NRDE2: variants seen among roughly 807,000 people sequenced by gnomAD.
NRDE2 encodes NRDE-2, necessary for RNA interference, domain containing.
A neutral mutation model predicts 124.2 loss-of-function variants in NRDE2; 76 were observed. The observed-to-expected ratio is 0.61, with a 90% CI of 0.51 to 0.74. The LOEUF is 0.74. Ranked by LOEUF, NRDE2 falls within the 30% of genes least tolerant of loss-of-function variation. NRDE2 has a pLI of 0.00. For synonymous variants in NRDE2, 489 were observed against 528.1 expected (o/e 0.93, Z 1.01); for missense variants, 1,314 against 1,417.3 (o/e 0.93, Z 1.17).
chr14:90,327,608 T>C (rs1885491027), intron 1 of NRDE2, among the ~76,000 whole-genome samples: 1 of 149,730 alleles, frequency 6.7e-6, no homozygotes, highest in Non-Finnish European at 1.5e-5. Context: ...ACATTAAAAA[T>C]TCATGACTTC....
At chr14:90,302,663 T>C (rs534160762) in intron 6 of NRDE2, 57 bp downstream of exon 6, 215 of 1,458,014 alleles carry the variant, frequency 1.5e-4, no homozygotes, top group Non-Finnish European at 1.6e-4. Context: ...CATTTTCAAG[T>C]AAAGCCAAAA....
intron 13 of NRDE2, 179 bp from the exon 14 acceptor site, chr14:90,278,640 C>T: frequency 1.5e-6 from 1 of 687,280 alleles, no homozygotes; most frequent in Non-Finnish European, 2.4e-6. Flanking sequence ...TCAGGAAGGA[C>T]ACTGAACTCG....
At position 90,292,681 on chromosome 14, in the gene NRDE2, G is replaced by A; in HGVS notation, c.1842+16C>T. 2 of 1,606,166 alleles carry A rather than the reference G, an allele frequency of 1.2e-6. No individual in the cohort carries two copies. The highest frequency in any genetic ancestry group is 2.7e-5 in the African/African-American group (2 of 74,922). On this transcript the variant is annotated intron_variant, in intron 9 of 13. Transcript: ENST00000354366. ...ACCCCCTGGACAGCTTCCTGCCTGG[G>A]GCGGAGGATACATGCCTGTCTCTCG...
rs1349824005 is a variant in NRDE2, at chr14:90,302,946, C to T, written c.1185G>A (p.Trp395Ter). Residue 395 changes from tryptophan to a stop codon, truncating the protein, a stop_gained, in exon 6 of 14, where the codon TGG (tryptophan) becomes TGA (stop). Transcript: ENST00000354366. LOFTEE classifies it high-confidence loss of function. ...LAKLKLCTEF[W>*]EPSTLVKEWQ... ...ACTCTTTGACCAGAGTGGAGGGCTC[C>T]CAGAACTCTGTGCAGAGCTTCAGCT... 6.2e-7 allele frequency: 1 copy of T among 1,614,050 alleles called. No individual in the cohort carries two copies. Among genetic ancestry groups the T allele is most frequent in the Admixed American group, 1.7e-5 (1 of 60,022 alleles).
At position 90,292,759 on chromosome 14, in the gene NRDE2, G is replaced by A. The variant is rs756328028; in HGVS notation, c.1780C>T (p.Pro594Ser). ...TTCTTGGTCTTATCAGGGCGCCAGG[G>A]CCGCCAGTGCCTCTGGTCACGGGAA... ...ERSRDQRHWR[P>S]WRPDKTKKQT... The change falls in exon 9 of 14, where the codon CCC becomes TCC. Residue 594 changes from proline to serine, a missense_variant. Physicochemically the swap from Pro to Ser is moderately conservative, Grantham distance 74. Transcript: ENST00000354366. The A allele has an allele frequency of 6.2e-7, 1 of 1,614,192 alleles. No homozygotes were observed. Among genetic ancestry groups the A allele is most frequent in the Non-Finnish European group, 8.5e-7 (1 of 1,180,018 alleles).
Position 90,288,324 on chromosome 14 carries a change from G to C in NRDE2, c.3051C>G (p.Thr1017=), listed in dbSNP as rs1440396493. ...TGGTGATTGTGTCAAAAAATCTCCT[G>C]GTTTTGCTGGCACTGTGGGACTTAT... ...IQNKSHSASK[T]RRFFDTITRS... Residue 1017 remains threonine (T), a synonymous_variant, in exon 11 of 14, where the codon ACC becomes ACG. Coordinates refer to ENST00000354366, the MANE Select transcript of NRDE2 (RefSeq NM_017970.4). 2.5e-6 allele frequency: 4 copies of C among 1,614,158 alleles called. No homozygotes were observed. The highest frequency in any genetic ancestry group is 4.5e-5 in the East Asian group (2 of 44,878).
At chr14:90,308,570 T>G (rs10143036) in intron 4 of NRDE2, among the ~76,000 whole-genome samples, 29,373 of 152,060 alleles carry the variant, frequency 0.19, 2,912 homozygotes, top group Middle Eastern at 0.21. Context: ...TATCCCTGCT[T>G]AAGGCCAAAT....
At position 90,278,134 on chromosome 14, in the gene NRDE2, TA is replaced by T; in HGVS notation, c.*201del. 1 of 559,858 alleles carries T rather than the reference TA, an allele frequency of 1.8e-6. No individual in the cohort carries two copies. Among genetic ancestry groups the T allele is most frequent in the South Asian group, 2.0e-5 (1 of 49,168 alleles). 34.7% of individuals were successfully genotyped at this position (559,858 alleles called of 1,614,324 possible). A position where few individuals can be genotyped will look rare whatever the true frequency, so the allele number is the denominator to read the frequency against. Reference sequence around the variant, plus strand: ...ACATATATACACATATTCACATATATAATATGTAAATAACTTTTGTGTCATT... The same window carrying T: ...ACATATATACACATATTCACATATATATATGTAAATAACTTTTGTGTCATT... On this transcript the variant is annotated 3_prime_UTR_variant, in exon 14 of 14. Transcript: ENST00000354366.
intron 1 of NRDE2, among the ~76,000 whole-genome samples, chr14:90,328,304 CAAAAA>C (rs60360850): frequency 3.4e-5 from 3 of 88,716 alleles, no homozygotes; most frequent in Non-Finnish European, 2.4e-5. Flanking sequence ...ACTCTGTCTC[CAAAAA>C]AAAAAAAAAA....
In NRDE2 at chr14:90,288,416, GTGCCTCTCGCAGAGGGGC is replaced by G; in HGVS notation, c.2941_2958del (p.Ala981_Ala986del). On this transcript the variant is annotated inframe_deletion, in exon 11 of 14. Transcript: ENST00000354366. ...GGATACAACTTTAAAGCCTGTGAGA[GTGCCTCTCGCAGAGGGGC>G]CAGCGGGTAAACACTCACTTTCATG... 4 of 1,614,194 alleles carry G rather than the reference GTGCCTCTCGCAGAGGGGC, an allele frequency of 2.5e-6. No individual in the cohort carries two copies. The highest frequency in any genetic ancestry group is 2.5e-6 in the Non-Finnish European group (3 of 1,180,034).
At chr14:90,299,503 G>C (rs1489339070) in intron 7 of NRDE2, among the ~76,000 whole-genome samples, 2 of 152,178 alleles carry the variant, frequency 1.3e-5, no homozygotes, top group African/African-American at 4.8e-5. Flanking sequence ...TTATCAACTG[G>C]AAACAGGACT....
chr14:90,300,045 G>A (rs761467113), intron 7 of NRDE2, among the ~76,000 whole-genome samples: 2 of 152,138 alleles, frequency 1.3e-5, no homozygotes, highest in South Asian at 2.1e-4. Context: ...CCTCAAGCAC[G>A]AGGATCGGGG....
chr14:90,306,069 G>A (rs554138937), intron 4 of NRDE2, among the ~76,000 whole-genome samples: 2 of 152,256 alleles, frequency 1.3e-5, no homozygotes, highest in South Asian at 4.1e-4. Flanking sequence ...AAACTTAATG[G>A]ATACAAAGTT....
chr14:90,304,392 G>C lies in NRDE2; in HGVS notation c.558-10C>G. On this transcript the variant is annotated splice_polypyrimidine_tract_variant and intron_variant, in intron 4 of 13. Coordinates refer to ENST00000354366, the MANE Select transcript of NRDE2 (RefSeq NM_017970.4). ...TCCTTTCCTCTTGTATCTGATATTA[G>C]AAAAAGAAAAAAAGTTACTGAGGGA... 6.4e-7 allele frequency: 1 copy of C among 1,561,268 alleles called. No individual in the cohort carries two copies. The highest frequency in any genetic ancestry group is 8.6e-7 in the Non-Finnish European group (1 of 1,158,918).
rs147436404 is a variant in NRDE2, at chr14:90,290,475, G to C, written c.1975C>G (p.Leu659Val). The C allele has an allele frequency of 1.1e-4, 184 of 1,614,046 alleles. No homozygotes were observed. The highest frequency in any genetic ancestry group is 1.5e-4 in the Non-Finnish European group (173 of 1,180,024). Residue 659 changes from leucine to valine, a missense_variant, in exon 10 of 14, where the codon CTG becomes GTG. Transcript: ENST00000354366. ...GFTPPASCLYLAMDENSIFDN... is the reference protein window; with the variant it reads ...GFTPPASCLYVAMDENSIFDN... ...AAGATGCTGTTCTCATCCATGGCCA[G>C]ATAAAGACAGGAGGCTGGAGGAGTA...
At position 90,270,935 on chromosome 14, in the gene NRDE2, CA is replaced by C. The variant is rs1891644315; in HGVS notation, c.*7400del. 6.6e-6 allele frequency: 1 copy of C among 152,268 alleles called. No homozygotes were observed. The highest frequency in any genetic ancestry group is 6.5e-5 in the Admixed American group (1 of 15,284). The allele number at this position is 152,268 out of a possible 1,614,324, so 9.4% of individuals were successfully genotyped here. A position where few individuals can be genotyped will look rare whatever the true frequency, so the allele number is the denominator to read the frequency against. ...CATGGTTAGGTAGGGACAGCACAAG[CA>C]GTGCCTTTCCAGGCCAGCACCTGCC... On this transcript the variant is annotated 3_prime_UTR_variant, in exon 14 of 14. Transcript: ENST00000354366.
Position 90,290,337 on chromosome 14 carries a change from G to A in NRDE2, c.2113C>T (p.Gln705Ter). Residue 705 changes from glutamine (Q) to a stop codon, truncating the protein, a stop_gained, in exon 10 of 14, where the codon CAG (glutamine) becomes TAG (stop). Coordinates refer to ENST00000354366, the MANE Select transcript of NRDE2 (RefSeq NM_017970.4). LOFTEE classifies it high-confidence loss of function. ...ATGAACTCCTCGCCCTCTCGGTTCT[G>A]ACCCCTGGTCCAGCGAGGATAGCCC... Reference protein sequence around the residue: ...RLGYPRWTRGQNREGEEFIRN... With the variant: ...RLGYPRWTRG 1 of 1,614,116 alleles carries A rather than the reference G, an allele frequency of 6.2e-7. No individual in the cohort carries two copies. Among genetic ancestry groups the A allele is most frequent in the Non-Finnish European group, 8.5e-7 (1 of 1,180,034 alleles).
At chr14:90,310,521 C>CTT (rs35448297) in intron 4 of NRDE2, among the ~76,000 whole-genome samples, 4 of 136,196 alleles carry the variant, frequency 2.9e-5, no homozygotes, top group African/African-American at 8.0e-5. Flanking sequence ...GTTGACTGCC[C>CTT]TTTTTTTTTT....
chr14:90,331,398 C>T (rs906108247), intron 1 of NRDE2, among the ~76,000 whole-genome samples: 2 of 152,206 alleles, frequency 1.3e-5, no homozygotes, highest in African/African-American at 4.8e-5. Flanking sequence ...AATCCCCTAG[C>T]TCTAGGCCGC....
Sources: gnomAD v4.1 joint callset for allele counts (sites outside exome capture counted in the v4.1 genomes callset) on GRCh38, gnomAD v4.1.1 for gene constraint, MANE v1.5 for transcripts, NCBI Gene and HGNC (gene_info 2026-07-23, HGNC 2026-07-21) for gene names.